Variants in KDM4C observed in about 807,000 individuals in gnomAD.
KDM4C encodes lysine-specific demethylase 4C.
KDM4C carries 81 observed loss-of-function variants against 129.3 expected under a neutral mutation model. The ratio of observed to expected loss-of-function variants is 0.63; its 90% CI spans 0.52 to 0.75. The LOEUF (loss-of-function observed/expected upper bound fraction) is 0.75. KDM4C is among the 30% of genes least tolerant of loss of function. KDM4C has a pLI of 0.00. For missense variants in KDM4C, 1,457 were observed against 1,304.0 expected (o/e 1.12, Z -1.81); for synonymous variants, 573 against 456.1 (o/e 1.26, Z -3.26).
chr9:7,086,341 C>T (rs574971523), intron 17 of KDM4C, among the ~76,000 whole-genome samples: 37 of 152,238 alleles, frequency 2.4e-4, no homozygotes, highest in African/African-American at 8.2e-4. Flanking sequence ...CAGTGATTGC[C>T]GCAACACCAG....
chr9:6,766,338 C>G (rs1820618274), intron 1 of KDM4C, among the ~76,000 whole-genome samples: 1 of 152,000 alleles, frequency 6.6e-6, no homozygotes, highest in Non-Finnish European at 1.5e-5. Context: ...GTTTGAGATG[C>G]TCAACTTATG....
rs917364055 is a variant in KDM4C at position 7,170,266 on chromosome 9, AG to A, written c.2994+380del. On this transcript the variant is annotated intron_variant, in intron 21 of 21. Transcript: ENST00000381309. Reference sequence around the variant, plus strand: ...TTAAAAGTATTCAGGAGTAGATCAAAGGGGACTCGGCATAATTGAATGTCTG... The same window carrying A: ...TTAAAAGTATTCAGGAGTAGATCAAAGGGACTCGGCATAATTGAATGTCTG... 3 of 1,108,830 alleles carry A rather than the reference AG, an allele frequency of 2.7e-6. No individual in the cohort carries two copies. In the Admixed American group the frequency reaches 1.5e-4, roughly 55 times the overall value. 68.7% of individuals were successfully genotyped at this position (1,108,830 alleles called of 1,614,324 possible).
chr9:6,805,828 G>A lies in KDM4C; in HGVS notation c.320+54G>A, dbSNP rs907051905. On this transcript the variant is annotated intron_variant, in intron 3 of 21. Coordinates refer to ENST00000381309, the MANE Select transcript of KDM4C (RefSeq NM_015061.6). ...TTCCTTCAAAGATTTATGTAAATATGTTAAGAAACAAAGTAGACAGAGGAG... is the reference window on the plus strand; with the variant it reads ...TTCCTTCAAAGATTTATGTAAATATATTAAGAAACAAAGTAGACAGAGGAG... 8.0e-6 allele frequency: 12 copies of A among 1,508,374 alleles called. No homozygotes were observed. The East Asian group carries it at 2.3e-4, about 29-fold the overall frequency. The allele number at this position is 1,508,374 out of a possible 1,614,324, so 93.4% of individuals were successfully genotyped here.
chr9:6,994,697 A>G (rs1359671683), intron 12 of KDM4C, among the ~76,000 whole-genome samples: 14 of 152,352 alleles, frequency 9.2e-5, no homozygotes, highest in African/African-American at 3.1e-4. Context: ...AACGTGTTAC[A>G]TACTGTCATA....
chr9:7,157,779 C>T (rs1432888477), intron 19 of KDM4C, among the ~76,000 whole-genome samples: 1 of 152,176 alleles, frequency 6.6e-6, no homozygotes, highest in Non-Finnish European at 1.5e-5. Flanking sequence ...AGGATTTTTG[C>T]ATCAGTGCTC....
upstream of KDM4C, chr9:6,757,893 T>A: frequency 1.0e-6 from 1 of 985,454 alleles, no homozygotes; most frequent in Non-Finnish European, 1.2e-6. Context: ...CGGGCACCTT[T>A]AAGCTGTTTG....
At chr9:6,865,839 T>C (rs1234192294) in intron 5 of KDM4C, among the ~76,000 whole-genome samples, 1 of 151,996 alleles carries the variant, frequency 6.6e-6, no homozygotes, top group African/African-American at 2.4e-5. Context: ...CAAGCTCTGC[T>C]TCCCGGGTTC....
intron 19 of KDM4C, among the ~76,000 whole-genome samples, chr9:7,164,724 T>C (rs1844191857): frequency 6.6e-6 from 1 of 152,144 alleles, no homozygotes; most frequent in Non-Finnish European, 1.5e-5. Context: ...TAGTCTCCCA[T>C]AGCTTCACTC....
intron 8 of KDM4C, among the ~76,000 whole-genome samples, chr9:6,954,660 C>G (rs1828756793): frequency 6.6e-6 from 1 of 152,128 alleles, no homozygotes; most frequent in Non-Finnish European, 1.5e-5. Context: ...GCAGCTTTTA[C>G]AAGGCTAAGA....
chr9:6,826,137 A>G (rs1224864581), intron 4 of KDM4C, among the ~76,000 whole-genome samples: 1 of 152,104 alleles, frequency 6.6e-6, no homozygotes, highest in Non-Finnish European at 1.5e-5. Context: ...ATACAAAAAA[A>G]TATAAATGTT....
intron 1 of KDM4C, among the ~76,000 whole-genome samples, chr9:6,764,064 A>G (rs938034914): frequency 1.3e-5 from 2 of 152,196 alleles, no homozygotes; most frequent in African/African-American, 4.8e-5. Context: ...CAGCCAGAAT[A>G]CACTTTTAAC....
intron 6 of KDM4C, among the ~76,000 whole-genome samples, chr9:6,883,022 A>G (rs1844715764): frequency 6.6e-6 from 1 of 152,186 alleles, no homozygotes; most frequent in Admixed American, 6.5e-5. Context: ...GAACGCCATC[A>G]TCAAATCCCC....
chr9:6,798,592 A>T (rs1476097528), intron 2 of KDM4C, among the ~76,000 whole-genome samples: 1 of 152,146 alleles, frequency 6.6e-6, no homozygotes, highest in Non-Finnish European at 1.5e-5. Context: ...AAGGCAGAAG[A>T]ATTTTTCTTA....
chr9:6,825,774 C>G lies in KDM4C; in HGVS notation c.435+11029C>G, dbSNP rs920361436. Reference sequence around the variant, plus strand: ...TGGAAAAGTGATAGAAAATTTAAAACAGTTTGAAAAATATTGTGGCAAATC... The same window carrying G: ...TGGAAAAGTGATAGAAAATTTAAAAGAGTTTGAAAAATATTGTGGCAAATC... On this transcript the variant is annotated intron_variant, in intron 4 of 21. Transcript: ENST00000381309. 2.0e-5 allele frequency among the ~76,000 whole-genome samples: 3 copies of G among 152,086 alleles called. No individual in the cohort carries two copies. In the South Asian group the frequency reaches 6.2e-4, roughly 32 times the overall value.
chr9:7,142,450 C>T (rs922226063), intron 19 of KDM4C, among the ~76,000 whole-genome samples: 1 of 152,172 alleles, frequency 6.6e-6, no homozygotes, highest in African/African-American at 2.4e-5. Flanking sequence ...TGCCTCCCCT[C>T]CCCTGGGCTC....
At chr9:6,805,811 A>T in intron 3 of KDM4C, 37 bp downstream of exon 3, 1 of 1,568,696 alleles carries the variant, frequency 6.4e-7, no homozygotes, top group Non-Finnish European at 8.7e-7. Context: ...GTTTCCTTCA[A>T]AGATTTATGT....
At chr9:6,970,861 A>AT (rs903539493) in intron 8 of KDM4C, among the ~76,000 whole-genome samples, 1 of 139,172 alleles carries the variant, frequency 7.2e-6, no homozygotes, top group African/African-American at 2.6e-5. Flanking sequence ...AACTCATGGA[A>AT]TGTAGGATGA....
chr9:6,773,218 T>C (rs942846981), intron 1 of KDM4C, among the ~76,000 whole-genome samples: 1 of 151,700 alleles, frequency 6.6e-6, no homozygotes, highest in Non-Finnish European at 1.5e-5. Flanking sequence ...CCCAGCCTTA[T>C]CTCGAACTCC....
At chr9:6,909,834 T>C (rs896603852) in intron 8 of KDM4C, among the ~76,000 whole-genome samples, 4 of 152,112 alleles carry the variant, frequency 2.6e-5, no homozygotes, top group African/African-American at 9.7e-5. Flanking sequence ...GAAGAAAATA[T>C]AGGGGAGTAT....
Sources: gnomAD v4.1 joint callset for allele counts (sites outside exome capture counted in the v4.1 genomes callset) on GRCh38, gnomAD v4.1.1 for gene constraint, MANE v1.5 for transcripts, NCBI Gene and HGNC (gene_info 2026-07-23, HGNC 2026-07-21) for gene names.